The following COL23A1 variants were observed in gnomAD, a reference collection of about 807,000 sequenced individuals.
COL23A1 encodes collagen alpha-1(XXIII) chain.
In COL23A1, 97 loss-of-function variants were observed where a neutral mutation model predicts 99.3. The ratio of observed to expected loss-of-function variants is 0.98; its 90% CI spans 0.83 to 1.16. The LOEUF (loss-of-function observed/expected upper bound fraction) is 1.16. Ranked by LOEUF, COL23A1 falls within the 50% of genes most tolerant of loss-of-function variation. The pLI, the probability that COL23A1 is intolerant of heterozygous loss-of-function variation, is 0.00. For missense variants in COL23A1, 762 were observed against 757.4 expected (o/e 1.01, Z -0.07); for synonymous variants, 320 against 308.2 (o/e 1.04, Z -0.40).
chr5:178,379,552 A>C (rs557404768), intron 2 of COL23A1, among the ~76,000 whole-genome samples: 10 of 152,298 alleles, frequency 6.6e-5, no homozygotes, highest in South Asian at 6.2e-4. Flanking sequence ...TTCATGTATT[A>C]CCCCTGTAAT....
intron 2 of COL23A1, among the ~76,000 whole-genome samples, chr5:178,327,149 T>C (rs1477120680): frequency 6.6e-6 from 1 of 152,248 alleles, no homozygotes; most frequent in African/African-American, 2.4e-5. Flanking sequence ...TTCGTCTTTC[T>C]GACCAGCCAT....
intron 7 of COL23A1, among the ~76,000 whole-genome samples, chr5:178,268,482 A>C (rs888023889): frequency 2.0e-5 from 3 of 152,074 alleles, no homozygotes; most frequent in African/African-American, 7.2e-5. Flanking sequence ...CGGGCCTCCG[A>C]GTTTGGTTAT....
chr5:178,559,143 T>C (rs1316484621), intron 2 of COL23A1, among the ~76,000 whole-genome samples: 1 of 151,632 alleles, frequency 6.6e-6, no homozygotes, highest in East Asian at 1.9e-4. Context: ...TCAAATCCTC[T>C]TTCTCGTATT....
chr5:178,347,305 G>T (rs990804340), intron 2 of COL23A1, among the ~76,000 whole-genome samples: 1 of 151,986 alleles, frequency 6.6e-6, no homozygotes, highest in Non-Finnish European at 1.5e-5. Context: ...CCTTGAACAC[G>T]TGCTAGGTGA....
At chr5:178,440,837 G>A (rs775272556) in intron 2 of COL23A1, among the ~76,000 whole-genome samples, 7 of 151,904 alleles carry the variant, frequency 4.6e-5, no homozygotes, top group Non-Finnish European at 8.8e-5. Flanking sequence ...GGCCGGTCTC[G>A]GACTCCTGAC....
intron 2 of COL23A1, among the ~76,000 whole-genome samples, chr5:178,429,818 T>C (rs1216299666): frequency 6.6e-6 from 1 of 152,128 alleles, no homozygotes; most frequent in East Asian, 1.9e-4. Flanking sequence ...GAGCCTCTGC[T>C]TAGAGGGTCT....
chr5:178,358,041 T>C (rs62644429), intron 2 of COL23A1, among the ~76,000 whole-genome samples: 25 of 68,378 alleles, frequency 3.7e-4, no homozygotes, highest in South Asian at 2.7e-3. Context: ...TATGTGTATG[T>C]GTATGTATGT....
At chr5:178,256,498 C>A in intron 14 of COL23A1, 101 bp from the exon 15 acceptor site, 1 of 1,170,374 alleles carries the variant, frequency 8.5e-7, no homozygotes. Flanking sequence ...GGGCCCAGGG[C>A]CCGAGTGCTG....
chr5:178,295,409 C>T (rs1757686678), intron 3 of COL23A1, among the ~76,000 whole-genome samples: 1 of 152,132 alleles, frequency 6.6e-6, no homozygotes. Flanking sequence ...AAGTGCTAAT[C>T]TTCATTCATA....
chr5:178,347,725 AC>A (rs1233645621), intron 2 of COL23A1, among the ~76,000 whole-genome samples: 7 of 151,972 alleles, frequency 4.6e-5, no homozygotes, highest in Admixed American at 4.6e-4. Context: ...TACTAAAAGT[AC>A]AAAAATTAGC....
intron 2 of COL23A1, among the ~76,000 whole-genome samples, chr5:178,471,151 C>T (rs1756726229): frequency 6.6e-6 from 1 of 152,234 alleles, no homozygotes; most frequent in African/African-American, 2.4e-5. Flanking sequence ...GAGAGAGTTA[C>T]TCAGGAAGCT....
chr5:178,335,857 A>T (rs1760289155), intron 2 of COL23A1, among the ~76,000 whole-genome samples: 1 of 152,252 alleles, frequency 6.6e-6, no homozygotes, highest in Non-Finnish European at 1.5e-5. Context: ...GCAAAATGCC[A>T]GTTTGCTCAC....
chr5:178,258,030 A>G (rs1179740983), intron 12 of COL23A1, among the ~76,000 whole-genome samples: 1 of 152,060 alleles, frequency 6.6e-6, no homozygotes, highest in Non-Finnish European at 1.5e-5. Flanking sequence ...GCACCTGTGA[A>G]CAGCCACTGC....
At chr5:178,455,519 A>G (rs1767731218) in intron 2 of COL23A1, among the ~76,000 whole-genome samples, 1 of 152,208 alleles carries the variant, frequency 6.6e-6, no homozygotes, top group Non-Finnish European at 1.5e-5. Flanking sequence ...GGCAGCTCTC[A>G]GGCCACAGAA....
In COL23A1 at chr5:178,479,068, C is replaced by T. The variant is rs142354217; in HGVS notation, c.361+81614G>A. Among the ~76,000 whole-genome samples, 106 of 151,980 alleles carry T rather than the reference C, an allele frequency of 7.0e-4. No homozygotes were observed. The South Asian group carries it at 9.4e-3, about 13-fold the overall frequency. ...TGCCAGGGCAGCCATCTCAGTGGCC[C>T]AGGACCTTCATCAGGACACAAGGAT... On this transcript the variant is annotated intron_variant, in intron 2 of 28. Coordinates refer to ENST00000390654, the MANE Select transcript of COL23A1 (RefSeq NM_173465.4).
At chr5:178,320,531 C>T (rs1192602855) in intron 2 of COL23A1, among the ~76,000 whole-genome samples, 2 of 152,200 alleles carry the variant, frequency 1.3e-5, no homozygotes, top group African/African-American at 2.4e-5. Flanking sequence ...CTGAGGAAGC[C>T]GCGCCAGCTG....
intron 2 of COL23A1, among the ~76,000 whole-genome samples, chr5:178,386,982 T>C (rs1763710893): frequency 6.6e-6 from 1 of 152,110 alleles, no homozygotes; most frequent in African/African-American, 2.4e-5. Flanking sequence ...GTGCAATAAA[T>C]ACCCACAGGC....
At position 178,391,574 on chromosome 5, in the gene COL23A1, C is replaced by T. The variant is rs868744387; in HGVS notation, c.362-84655G>A. 4.6e-5 allele frequency among the ~76,000 whole-genome samples: 7 copies of T among 152,274 alleles called. No individual in the cohort carries two copies. The South Asian group carries it at 1.5e-3, about 32-fold the overall frequency. On this transcript the variant is annotated intron_variant, in intron 2 of 28. Coordinates refer to ENST00000390654, the MANE Select transcript of COL23A1 (RefSeq NM_173465.4). ...GGATGGCCAGAATAAAAGAGTCAGA[C>T]AGTCAAAAATGTTGGTGAGGATGGG...
At chr5:178,349,272 G>C (rs774844477) in intron 2 of COL23A1, among the ~76,000 whole-genome samples, 17 of 152,180 alleles carry the variant, frequency 1.1e-4, no homozygotes, top group Non-Finnish European at 1.8e-4. Context: ...CTGGGTGAGG[G>C]GAACCAGAGC....
Sources: allele counts gnomAD v4.1 joint callset (sites outside exome capture counted in the v4.1 genomes callset), GRCh38; gene constraint gnomAD v4.1.1; transcripts MANE v1.5; gene names NCBI Gene and HGNC (gene_info 2026-07-23, HGNC 2026-07-21).